The following CDKL5 variants were observed in gnomAD, a reference collection of about 807,000 sequenced individuals.
CDKL5 encodes cyclin-dependent kinase-like 5.
A neutral mutation model predicts 61.7 loss-of-function variants in CDKL5; 8 were observed. The observed-to-expected ratio is 0.13, with a 90% CI of 0.08 to 0.23. The LOEUF is 0.23. Ranked by LOEUF, CDKL5 falls within the 10% of genes least tolerant of loss-of-function variation. The pLI is 1.00. For synonymous variants in CDKL5, 275 were observed against 272.3 expected (o/e 1.01, Z -0.10); for missense variants, 440 against 734.5 (o/e 0.60, Z 4.63).
At position 18,598,593 on chromosome X, in the gene CDKL5, A is replaced by G; in HGVS notation, c.957A>G (p.Glu319=). Residue 319 remains glutamate, a synonymous_variant, in exon 11 of 18, where the codon GAA becomes GAG. Transcript: ENST00000623535. ...RSAKRKPYHV[E]SSTLSNRNQA... ...CAAAAAGAAAACCTTACCATGTGGA[A>G]AGCAGCACATTGTCTAATAGGTAAA... The G allele has an allele frequency of 8.3e-7, 1 of 1,210,187 alleles. No homozygotes were observed. The highest frequency in any genetic ancestry group is 1.1e-6 in the Non-Finnish European group (1 of 893,967).
chrX:18,428,909 T>A (rs984413730), intron 1 of CDKL5, among the ~76,000 whole-genome samples: 6 of 111,740 alleles, frequency 5.4e-5, no homozygotes, highest in Admixed American at 4.8e-4. Flanking sequence ...TTTTCTAATT[T>A]GCTTTCAATC....
intron 1 of CDKL5, among the ~76,000 whole-genome samples, chrX:18,471,898 C>A (rs938787980): frequency 9.1e-6 from 1 of 110,119 alleles, no homozygotes; most frequent in Non-Finnish European, 1.9e-5. Context: ...CACCACCACG[C>A]CTTGCTAATT....
intron 3 of CDKL5, among the ~76,000 whole-genome samples, chrX:18,557,279 G>A (rs1240310814): frequency 8.9e-6 from 1 of 111,778 alleles, no homozygotes; most frequent in Non-Finnish European, 1.9e-5. Context: ...AAAAATAACA[G>A]TATTACAACT....
In CDKL5 at chrX:18,507,164, A is replaced by G. The variant is rs747057962; in HGVS notation, c.64+4A>G. ...ATCCTTGGGGTTGTAGGTGAAGGTA[A>G]GTTGGAATTTTTGCGTTCCTTGAGT... On this transcript the variant is annotated splice_donor_region_variant and intron_variant, in intron 2 of 17. Coordinates refer to ENST00000623535, the MANE Select transcript of CDKL5 (RefSeq NM_001323289.2). 3 of 1,177,742 alleles carry G rather than the reference A, an allele frequency of 2.5e-6. No homozygotes were observed. The highest frequency in any genetic ancestry group is 3.5e-6 in the Non-Finnish European group (3 of 864,574).
Position 18,629,264 on chromosome X carries a change from A to G in CDKL5, c.*507A>G. ...GTCTTAAATTGTTTTCTAAACTTCC[A>G]TATTTGATAGGATTTGTAACATTTA... On this transcript the variant is annotated 3_prime_UTR_variant, in exon 18 of 18. Transcript: ENST00000623535. 1 of 693,112 alleles carries G rather than the reference A, an allele frequency of 1.4e-6. No homozygotes were observed. Among genetic ancestry groups the G allele is most frequent in the Non-Finnish European group, 1.7e-6 (1 of 583,594 alleles). The allele number at this position is 693,112 out of a possible 1,213,427, so 57.1% of individuals were successfully genotyped here.
intron 1 of CDKL5, among the ~76,000 whole-genome samples, chrX:18,427,550 C>A (rs990713550): frequency 9.1e-6 from 1 of 110,236 alleles, no homozygotes; most frequent in Non-Finnish European, 1.9e-5. Context: ...GTTGGGGGTT[C>A]CTCAATTGGA....
At chrX:18,547,099 T>G (rs1457879893) in intron 3 of CDKL5, among the ~76,000 whole-genome samples, 2 of 112,341 alleles carry the variant, frequency 1.8e-5, no homozygotes, top group Non-Finnish European at 3.8e-5. Flanking sequence ...TGTAACTTCT[T>G]TGTATTCCCA....
At position 18,440,427 on chromosome X, in the gene CDKL5, G is replaced by A. The variant is rs1007414630; in HGVS notation, c.-163+14732G>A. Among the ~76,000 whole-genome samples the A allele has an allele frequency of 4.5e-5, 5 of 111,755 alleles. No individual in the cohort carries two copies. The Admixed American group carries it at 4.8e-4, about 11-fold the overall frequency. On this transcript the variant is annotated intron_variant, in intron 1 of 17. Transcript: ENST00000623535. ...CTTGCCTTGGCCTCCCAAAGTGGTA[G>A]GATTGTAGGTGTGAACCACTGCACC...
In CDKL5 at chrX:18,506,979, C is replaced by A; in HGVS notation, c.-118C>A. 1 of 544,161 alleles carries A rather than the reference C, an allele frequency of 1.8e-6. No homozygotes were observed. Among genetic ancestry groups the A allele is most frequent in the Non-Finnish European group, 3.3e-6 (1 of 303,902 alleles). 44.8% of individuals were successfully genotyped at this position (544,161 alleles called of 1,213,427 possible). On this transcript the variant is annotated 5_prime_UTR_variant, in exon 2 of 18. Coordinates refer to ENST00000623535, the MANE Select transcript of CDKL5 (RefSeq NM_001323289.2). ...TGATTAGAACAAATATGTGAAAGTT[C>A]CCACCAACCAGTGAGAATTTCTTCC...
chrX:18,596,498 T>C (rs765349449), intron 10 of CDKL5, among the ~76,000 whole-genome samples: 2 of 112,333 alleles, frequency 1.8e-5, no homozygotes, highest in Admixed American at 1.9e-4. Context: ...CTGAATACTG[T>C]TTTTTATAAA....
intron 1 of CDKL5, among the ~76,000 whole-genome samples, chrX:18,472,955 A>ATT (rs747799624): frequency 8.4e-4 from 78 of 92,835 alleles, no homozygotes; most frequent in African/African-American, 2.7e-3. Flanking sequence ...ATCTCTTCTA[A>ATT]TTTTTTTTTT....
In CDKL5 at chrX:18,604,526, A is replaced by C. The variant is rs1385183228; in HGVS notation, c.1602A>C (p.Arg534Ser). 8.3e-7 allele frequency: 1 copy of C among 1,211,601 alleles called. No individual in the cohort carries two copies. Among genetic ancestry groups the C allele is most frequent in the Non-Finnish European group, 1.1e-6 (1 of 895,450 alleles). Residue 534 changes from arginine to serine, a missense_variant, in exon 12 of 18, where the codon AGA (arginine) becomes AGC (serine). Around this residue, in one of 2 missense-constraint regions of CDKL5, gnomAD observed 363 missense variants for 516.3 expected, o/e 0.70. Transcript: ENST00000623535. ...CTCCCACCAGCCCAACCCCCACCAGACACAGTGACACGAGAACTTTGCTCA... is the reference window on the plus strand; with the variant it reads ...CTCCCACCAGCCCAACCCCCACCAGCCACAGTGACACGAGAACTTTGCTCA... ...LNSPTSPTPT[R>S]HSDTRTLLSP...
chrX:18,624,137 C>A, intron 16 of CDKL5: 1 of 182,963 alleles, frequency 5.5e-6, no homozygotes, highest in Non-Finnish European at 8.5e-6. Context: ...TCCATAAATT[C>A]ACTGGGATAT....
chrX:18,649,348 C>T (rs771245409), intron 20 of CDKL5, among the ~76,000 whole-genome samples: 4 of 111,853 alleles, frequency 3.6e-5, no homozygotes, highest in Non-Finnish European at 5.6e-5. Context: ...GATCCTCCCA[C>T]CTCATTCTCC....
In CDKL5 at chrX:18,474,963, G is replaced by GT. The variant is rs770683321; in HGVS notation, c.-162-31959dup. 8.2e-3 allele frequency among the ~76,000 whole-genome samples: 827 copies of GT among 100,767 alleles called. 7 individuals are homozygous for GT. Among genetic ancestry groups the GT allele is most frequent in the African/African-American group, 0.022 (625 of 28,169 alleles). 87.5% of individuals were successfully genotyped at this position (100,767 alleles called of 115,157 possible). A position where few individuals can be genotyped will look rare whatever the true frequency, so the allele number is the denominator to read the frequency against. On this transcript the variant is annotated intron_variant, in intron 1 of 17. Transcript: ENST00000623535. ...CTTTGTAATTATTTTTTGTTTTTTG[G>GT]TTTTTTTTTTTTTGAGACAGAGGCT...
At chrX:18,442,568 A>G (rs1443182821) in intron 1 of CDKL5, 1 of 110,848 alleles carries the variant, frequency 9.0e-6, no homozygotes, top group Non-Finnish European at 1.9e-5. Context: ...ATCTCGGCTC[A>G]CTGCAAGCTC....
chrX:18,610,416 G>T (rs1425354378), intron 14 of CDKL5, among the ~76,000 whole-genome samples: 1 of 112,484 alleles, frequency 8.9e-6, no homozygotes, highest in Non-Finnish European at 1.9e-5. Flanking sequence ...CGTTCTGTCT[G>T]TCGTACCTTG....
intron 1 of CDKL5, among the ~76,000 whole-genome samples, chrX:18,461,595 C>G (rs1291238322): frequency 1.8e-5 from 2 of 112,166 alleles, no homozygotes; most frequent in Non-Finnish European, 3.8e-5. Flanking sequence ...GTACTGCTTC[C>G]TGTTGCTTAC....
chrX:18,584,776 A>G (rs1925590450), intron 8 of CDKL5, among the ~76,000 whole-genome samples: 1 of 112,040 alleles, frequency 8.9e-6, no homozygotes, highest in African/African-American at 3.2e-5. Context: ...TAAGCCCCAA[A>G]GCAACAGCAG....
Sources: allele counts gnomAD v4.1 joint callset (sites outside exome capture counted in the v4.1 genomes callset), GRCh38; gene constraint gnomAD v4.1.1; regional missense constraint gnomAD v4.1.1; transcripts MANE v1.5; gene names NCBI Gene and HGNC (gene_info 2026-07-23, HGNC 2026-07-21).